OXR1: variants seen among roughly 807,000 people sequenced by gnomAD.
The protein encoded by OXR1 is oxidation resistance protein 1.
Under a neutral mutation model 104.6 loss-of-function variants are expected in OXR1, and 41 were observed. The ratio of observed to expected loss-of-function variants is 0.39; its 90% CI spans 0.31 to 0.51. The LOEUF is 0.51. OXR1 is among the 20% of genes least tolerant of loss of function. OXR1 has a pLI of 0.77. For missense variants in OXR1, 955 were observed against 1,031.9 expected (o/e 0.93, Z 1.02); for synonymous variants, 348 against 348.4 (o/e 1.00, Z 0.01).
At chr8:106,557,797 TA>T (rs1816394014) in intron 3 of OXR1, among the ~76,000 whole-genome samples, 1 of 152,214 alleles carries the variant, frequency 6.6e-6, no homozygotes. Flanking sequence ...CACATGTTGG[TA>T]ACAGAATTTT....
intron 2 of OXR1, among the ~76,000 whole-genome samples, chr8:106,380,800 G>A (rs924065087): frequency 4.6e-5 from 7 of 151,860 alleles, no homozygotes; most frequent in Admixed American, 1.3e-4. Flanking sequence ...ATTTTACTTG[G>A]GTTATTGTAT....
intron 2 of OXR1, among the ~76,000 whole-genome samples, chr8:106,448,511 T>C (rs1415550003): frequency 1.3e-5 from 2 of 152,190 alleles, no homozygotes; most frequent in African/African-American, 4.8e-5. Flanking sequence ...TGTATTCAGC[T>C]TAAATATATT....
At chr8:106,402,440 T>C (rs1014655523) in intron 2 of OXR1, among the ~76,000 whole-genome samples, 6 of 152,182 alleles carry the variant, frequency 3.9e-5, no homozygotes, top group African/African-American at 1.4e-4. Flanking sequence ...GCTGAGTATA[T>C]TTATTTCAGT....
intron 1 of OXR1, among the ~76,000 whole-genome samples, chr8:106,353,256 G>A (rs1336780469): frequency 1.3e-5 from 2 of 152,122 alleles, no homozygotes; most frequent in East Asian, 3.9e-4. Flanking sequence ...AGGTGAGGCA[G>A]GTGAATCGCT....
intron 1 of OXR1, among the ~76,000 whole-genome samples, chr8:106,307,969 C>A (rs1371599454): frequency 6.6e-6 from 1 of 151,914 alleles, no homozygotes; most frequent in Non-Finnish European, 1.5e-5. Context: ...AAAGGACACA[C>A]ACACACACAC....
chr8:106,312,981 G>A (rs1394400886), intron 1 of OXR1, among the ~76,000 whole-genome samples: 1 of 152,080 alleles, frequency 6.6e-6, no homozygotes, highest in African/African-American at 2.4e-5. Flanking sequence ...TATTTTGGAA[G>A]GACTTTCTTA....
At position 106,405,402 on chromosome 8, in the gene OXR1, C is replaced by A. The variant is rs549348691; in HGVS notation, c.23+45766C>A. Among the ~76,000 whole-genome samples the A allele has an allele frequency of 7.9e-5, 12 of 152,010 alleles. No individual in the cohort carries two copies. In the South Asian group the frequency reaches 2.3e-3, roughly 29 times the overall value. On this transcript the variant is annotated intron_variant, in intron 2 of 16. Transcript: ENST00000517566. The stretch of plus-strand genomic sequence containing the variant: ...AAGACCTGATAACTGGGAGCATAAT[C>A]ATTCACTCCTTTCTTTATCTCTTCT...
intron 2 of OXR1, among the ~76,000 whole-genome samples, chr8:106,380,483 TTAGAAA>T (rs1420621665): frequency 2.0e-5 from 3 of 152,210 alleles, no homozygotes; most frequent in East Asian, 3.9e-4. Flanking sequence ...GGGTATATAC[TTAGAAA>T]TAGAATGATT....
intron 1 of OXR1, among the ~76,000 whole-genome samples, chr8:106,331,578 T>A (rs1277804264): frequency 1.3e-5 from 2 of 152,136 alleles, no homozygotes; most frequent in Non-Finnish European, 2.9e-5. Context: ...ATGTCGTAAA[T>A]CCCATTCTGA....
intron 3 of OXR1, among the ~76,000 whole-genome samples, chr8:106,638,324 G>A (rs939363124): frequency 2.1e-5 from 3 of 143,496 alleles, no homozygotes; most frequent in Non-Finnish European, 4.7e-5. Context: ...AAGCCATGTC[G>A]TATTTTATCT....
intron 11 of OXR1, among the ~76,000 whole-genome samples, chr8:106,725,609 A>G (rs887979731): frequency 6.6e-6 from 1 of 152,224 alleles, no homozygotes; most frequent in Non-Finnish European, 1.5e-5. Flanking sequence ...ACTGTGTAAC[A>G]GGCAGAGGGA....
chr8:106,742,534 G>A (rs760937888), intron 15 of OXR1: 67 of 405,576 alleles, frequency 1.7e-4, no homozygotes, highest in Admixed American at 2.2e-4. Flanking sequence ...ATCACGTTAC[G>A]TGACTTCAAA....
At chr8:106,720,402 T>A (rs1477270928) in intron 11 of OXR1, among the ~76,000 whole-genome samples, 6 of 152,218 alleles carry the variant, frequency 3.9e-5, no homozygotes, top group Non-Finnish European at 1.5e-5. Context: ...TCAGGTGTTG[T>A]GTTAAACATA....
At chr8:106,314,124 A>G (rs1813828144) in intron 1 of OXR1, among the ~76,000 whole-genome samples, 1 of 152,198 alleles carries the variant, frequency 6.6e-6, no homozygotes, top group African/African-American at 2.4e-5. Context: ...GCACATACGC[A>G]GCCTGCATGC....
intron 2 of OXR1, among the ~76,000 whole-genome samples, chr8:106,440,098 G>A (rs1253831183): frequency 6.6e-6 from 1 of 152,088 alleles, no homozygotes; most frequent in Non-Finnish European, 1.5e-5. Flanking sequence ...AGAGAACTGA[G>A]AGTGGTGCTC....
intron 2 of OXR1, among the ~76,000 whole-genome samples, chr8:106,418,645 T>A (rs543808023): frequency 1.3e-5 from 2 of 152,286 alleles, no homozygotes; most frequent in Admixed American, 6.5e-5. Flanking sequence ...TGCTATTAGT[T>A]TATTTATTTA....
chr8:106,702,234 A>G (rs1336236655), intron 7 of OXR1, among the ~76,000 whole-genome samples: 2 of 152,326 alleles, frequency 1.3e-5, no homozygotes, highest in East Asian at 1.9e-4. Context: ...TGCTGGGATT[A>G]CAGGCGTAAG....
chr8:106,378,587 A>G (rs1817003375), intron 2 of OXR1, among the ~76,000 whole-genome samples: 1 of 152,170 alleles, frequency 6.6e-6, no homozygotes, highest in South Asian at 2.1e-4. Context: ...TCGGCTCACC[A>G]CAACTTCTGA....
chr8:106,501,242 G>C (rs1256392230), intron 2 of OXR1, among the ~76,000 whole-genome samples: 2 of 152,142 alleles, frequency 1.3e-5, no homozygotes, highest in Non-Finnish European at 2.9e-5. Context: ...TCCTGTCTCA[G>C]CTTGCCAAGT....
Sources: allele counts gnomAD v4.1 joint callset (sites outside exome capture counted in the v4.1 genomes callset), GRCh38; gene constraint gnomAD v4.1.1; transcripts MANE v1.5; gene names NCBI Gene and HGNC (gene_info 2026-07-23, HGNC 2026-07-21).